Variants in SGPP2 observed in about 807,000 individuals in gnomAD.
SGPP2 encodes the protein sphingosine 1-phosphate phosphohydrolase 2.
A neutral mutation model predicts 33.9 loss-of-function variants in SGPP2; 30 were observed. The ratio of observed to expected loss-of-function variants is 0.89; its 90% CI spans 0.66 to 1.20. The LOEUF is 1.20. Among genes scored for constraint, SGPP2 ranks in the 50% most tolerant of loss-of-function variants. SGPP2 has a pLI of 0.00. For synonymous variants in SGPP2, 233 were observed against 225.0 expected (o/e 1.04, Z -0.32); for missense variants, 458 against 532.1 (o/e 0.86, Z 1.37).
At chr2:222,452,105 CTGT>C (rs1697500337) in intron 1 of SGPP2, among the ~76,000 whole-genome samples, 1 of 151,938 alleles carries the variant, frequency 6.6e-6, no homozygotes, top group Non-Finnish European at 1.5e-5. Context: ...GATATCCAAA[CTGT>C]ATTAGATCTA....
At chr2:222,512,155 G>A (rs2106126162) in intron 2 of SGPP2, among the ~76,000 whole-genome samples, 1 of 152,032 alleles carries the variant, frequency 6.6e-6, no homozygotes, top group South Asian at 2.1e-4. Context: ...GGAACTACAG[G>A]CGCCCGCCAC....
At chr2:222,527,044 G>A (rs941303123) in intron 4 of SGPP2, among the ~76,000 whole-genome samples, 1 of 152,114 alleles carries the variant, frequency 6.6e-6, no homozygotes, top group African/African-American at 2.4e-5. Context: ...AAGTAAGCAC[G>A]AGCATGTAGA....
chr2:222,511,396 A>G (rs1280046276), intron 2 of SGPP2, among the ~76,000 whole-genome samples: 1 of 152,218 alleles, frequency 6.6e-6, no homozygotes, highest in African/African-American at 2.4e-5. Flanking sequence ...CGGGACCTCC[A>G]TGCCATCCTT....
At chr2:222,489,020 T>A (rs912482851) in intron 2 of SGPP2, among the ~76,000 whole-genome samples, 1 of 152,230 alleles carries the variant, frequency 6.6e-6, no homozygotes, top group Non-Finnish European at 1.5e-5. Flanking sequence ...AATTAGCAAG[T>A]TGCGAGCAGC....
chr2:222,440,660 A>G (rs1272734853), intron 1 of SGPP2, among the ~76,000 whole-genome samples: 11 of 152,060 alleles, frequency 7.2e-5, no homozygotes, highest in Non-Finnish European at 1.6e-4. Context: ...GTTTTAAAAT[A>G]CTGTTTTTTT....
chr2:222,491,079 A>G (rs1409619737), intron 2 of SGPP2, among the ~76,000 whole-genome samples: 1 of 152,144 alleles, frequency 6.6e-6, no homozygotes, highest in African/African-American at 2.4e-5. Context: ...CACCCCTAGG[A>G]ACCATGAGTC....
intron 2 of SGPP2, among the ~76,000 whole-genome samples, chr2:222,492,685 C>T (rs1322596228): frequency 6.6e-6 from 1 of 152,224 alleles, no homozygotes; most frequent in East Asian, 1.9e-4. Flanking sequence ...CAAATTTCTG[C>T]AGCCAGCTTG....
In SGPP2 at chr2:222,515,415, G is replaced by A. The variant is rs1275115190; in HGVS notation, c.379-6352G>A. Among the ~76,000 whole-genome samples the A allele has an allele frequency of 3.9e-5, 6 of 152,060 alleles. No homozygotes were observed. The East Asian group carries it at 9.7e-4, about 25-fold the overall frequency. On this transcript the variant is annotated intron_variant, in intron 2 of 4. Transcript: ENST00000321276. ...ATGATCTTGGCTCATTGCAACCTCC[G>A]CCTCCCGGGTTCAAGCGATTCTGCT... is the stretch of plus-strand genomic sequence containing the variant.
chr2:222,425,438 CT>C (rs1697050540), intron 1 of SGPP2, among the ~76,000 whole-genome samples: 1 of 152,202 alleles, frequency 6.6e-6, no homozygotes, highest in Non-Finnish European at 1.5e-5. Flanking sequence ...CCTGGTGGGT[CT>C]TTTATGGACC....
At chr2:222,542,457 G>A (rs926179856) in intron 4 of SGPP2, among the ~76,000 whole-genome samples, 2 of 152,100 alleles carry the variant, frequency 1.3e-5, no homozygotes, top group African/African-American at 2.4e-5. Context: ...GGGTCCTGAG[G>A]CATGCATATG....
chr2:222,467,059 C>T (rs1255222179), intron 1 of SGPP2, among the ~76,000 whole-genome samples: 4 of 152,156 alleles, frequency 2.6e-5, no homozygotes, highest in African/African-American at 4.8e-5. Flanking sequence ...ACCTCTAATA[C>T]TGAGGATTAA....
At chr2:222,441,001 G>A (rs756041132) in intron 1 of SGPP2, among the ~76,000 whole-genome samples, 4 of 152,254 alleles carry the variant, frequency 2.6e-5, no homozygotes, top group Non-Finnish European at 4.4e-5. Flanking sequence ...CCAGGAAAGT[G>A]TATTCAGCAT....
intron 1 of SGPP2, among the ~76,000 whole-genome samples, chr2:222,464,871 A>C (rs1244369047): frequency 1.3e-5 from 2 of 152,198 alleles, no homozygotes; most frequent in Non-Finnish European, 2.9e-5. Context: ...TGTTGCCACC[A>C]TGGGTCACTG....
chr2:222,470,457 T>C (rs1697821377), intron 1 of SGPP2, among the ~76,000 whole-genome samples: 1 of 152,216 alleles, frequency 6.6e-6, no homozygotes. Flanking sequence ...ACTTCACCTT[T>C]GGTTATTCTG....
At chr2:222,471,388 G>A (rs770750858) in intron 1 of SGPP2, among the ~76,000 whole-genome samples, 3 of 151,990 alleles carry the variant, frequency 2.0e-5, no homozygotes, top group Non-Finnish European at 4.4e-5. Context: ...ATAGTGTCAA[G>A]TACAGTTATG....
chr2:222,560,827 G>T lies in SGPP2; in HGVS notation c.*1929G>T, dbSNP rs1689523134. 6.6e-6 allele frequency: 1 copy of T among 152,152 alleles called. No homozygotes were observed. The highest frequency in any genetic ancestry group is 2.1e-4 in the South Asian group (1 of 4,828). 9.4% of individuals were successfully genotyped at this position (152,152 alleles called of 1,614,324 possible). A position where few individuals can be genotyped will look rare whatever the true frequency, so the allele number is the denominator to read the frequency against. Reference sequence around the variant, plus strand: ...ATTCCAATTTCTCAAGAATTTTTAGGCCGGGTGCGGTGGCTCATGCCTGTA... The same window carrying T: ...ATTCCAATTTCTCAAGAATTTTTAGTCCGGGTGCGGTGGCTCATGCCTGTA... On this transcript the variant is annotated 3_prime_UTR_variant, in exon 5 of 5. Transcript: ENST00000321276.
At position 222,558,699 on chromosome 2, in the gene SGPP2, T is replaced by C; in HGVS notation, c.1001T>C (p.Leu334Ser). 6.2e-7 allele frequency: 1 copy of C among 1,614,178 alleles called. No homozygotes were observed. The highest frequency in any genetic ancestry group is 8.5e-7 in the Non-Finnish European group (1 of 1,180,020). The change falls in exon 5 of 5, where the codon TTG (leucine) becomes TCG (serine). Residue 334 changes from leucine to serine, a missense_variant. Coordinates refer to ENST00000321276, the MANE Select transcript of SGPP2 (RefSeq NM_152386.4). The part of the protein sequence containing the change: ...GLTKFAVGIV[L>S]ILLVRQLVQN... ...ACCAAATTTGCAGTGGGAATTGTGT[T>C]GATCCTCTTGGTTCGTCAGCTTGTA...
At chr2:222,553,043 A>C (rs1689324416) in intron 4 of SGPP2, among the ~76,000 whole-genome samples, 1 of 152,168 alleles carries the variant, frequency 6.6e-6, no homozygotes. Context: ...TAATGCAAAG[A>C]CCCTGACCTT....
intron 4 of SGPP2, among the ~76,000 whole-genome samples, chr2:222,538,108 G>A (rs1286099945): frequency 1.3e-5 from 2 of 152,156 alleles, no homozygotes. Flanking sequence ...TGACCTCTGG[G>A]AAAGGCAAAG....
Sources: gnomAD v4.1 joint callset for allele counts (sites outside exome capture counted in the v4.1 genomes callset) on GRCh38, gnomAD v4.1.1 for gene constraint, MANE v1.5 for transcripts, NCBI Gene and HGNC (gene_info 2026-07-23, HGNC 2026-07-21) for gene names.